The following SV2C variants were observed in gnomAD, a reference collection of about 807,000 sequenced individuals.
SV2C encodes the protein solute carrier family 22 member B3.
In SV2C, 49 loss-of-function variants were observed where a neutral mutation model predicts 79.7. That is an observed-to-expected ratio of 0.61 (90% CI 0.49 to 0.78). SV2C has a LOEUF of 0.78. SV2C is among the 30% of genes least tolerant of loss of function. The pLI is 0.00. For synonymous variants in SV2C, 334 were observed against 333.2 expected (o/e 1.00, Z -0.03); for missense variants, 833 against 912.9 (o/e 0.91, Z 1.13).
At chr5:76,030,668 A>G in the SV2C span, among the ~76,000 whole-genome samples, 2 of 151,988 alleles carry the variant, frequency 1.3e-5, no homozygotes, top group African/African-American at 4.8e-5. Flanking sequence ...CTCTCAGGGC[A>G]GTCTAGCTTA....
the SV2C span, among the ~76,000 whole-genome samples, chr5:75,999,390 AG>A: frequency 2.2e-5 from 1 of 45,360 alleles, no homozygotes; most frequent in African/African-American, 7.0e-5. Context: ...AGAGAGAGAG[AG>A]AGAGAGAGAG....
chr5:75,994,290 TC>T, the SV2C span, among the ~76,000 whole-genome samples: 1 of 152,058 alleles, frequency 6.6e-6, no homozygotes, highest in Non-Finnish European at 1.5e-5. Flanking sequence ...TGTGCAACTT[TC>T]CCATGTCCCT....
chr5:76,290,098 A>AT (rs397998193), intron 6 of SV2C, among the ~76,000 whole-genome samples: 1 of 152,056 alleles, frequency 6.6e-6, no homozygotes, highest in Non-Finnish European at 1.5e-5. Flanking sequence ...AGAAAAAAAA[A>AT]CTTTTTAAAT....
At chr5:75,959,551 C>T in the SV2C span, among the ~76,000 whole-genome samples, 11 of 152,088 alleles carry the variant, frequency 7.2e-5, no homozygotes, top group African/African-American at 2.4e-4. Flanking sequence ...TGAGGTTTAT[C>T]CCCAAAACAC....
At chr5:75,905,812 T>C in the SV2C span, among the ~76,000 whole-genome samples, 1 of 151,754 alleles carries the variant, frequency 6.6e-6, no homozygotes, top group Admixed American at 6.6e-5. Flanking sequence ...AAGGTATTGT[T>C]CTGCCATCTG....
At chr5:76,219,579 G>C (rs1201311553) in intron 4 of SV2C, among the ~76,000 whole-genome samples, 1 of 152,154 alleles carries the variant, frequency 6.6e-6, no homozygotes, top group Non-Finnish European at 1.5e-5. Context: ...CCACAAGCCA[G>C]GTCTCCCAGC....
the SV2C span, among the ~76,000 whole-genome samples, chr5:75,897,903 T>A: frequency 1.3e-5 from 2 of 151,980 alleles, no homozygotes; most frequent in African/African-American, 4.8e-5. Context: ...GCTTGTGATT[T>A]TTGTACATTG....
chr5:76,279,056 T>C (rs1747105102), intron 4 of SV2C, among the ~76,000 whole-genome samples: 2 of 152,116 alleles, frequency 1.3e-5, no homozygotes, highest in South Asian at 4.2e-4. Context: ...TTGGGGATTG[T>C]GAGGGAAAAA....
chr5:76,159,321 G>A (rs761261323), intron 2 of SV2C, among the ~76,000 whole-genome samples: 1 of 151,980 alleles, frequency 6.6e-6, no homozygotes, highest in African/African-American at 2.4e-5. Flanking sequence ...ATCCCGATTG[G>A]CAAGAAGAAA....
intron 12 of SV2C, among the ~76,000 whole-genome samples, chr5:76,302,099 A>G (rs1358320866): frequency 1.3e-5 from 2 of 152,200 alleles, no homozygotes; most frequent in African/African-American, 4.8e-5. Context: ...TCCTTAACTT[A>G]GTTTGTAGGC....
the SV2C span, chr5:75,921,738 C>T: frequency 2.5e-6 from 1 of 394,636 alleles, no homozygotes; most frequent in South Asian, 2.7e-5. Context: ...GGCTCTCTAG[C>T]ATTTTGTTTC....
rs546600591 is a variant in SV2C at position 76,122,726 on chromosome 5, G to T, written c.-101-8924G>T. ...ATCTCTGGGACACATTCAAAGCAGT[G>T]TGTAGAGGGAAATTTATAGCACTAA... On this transcript the variant is annotated intron_variant, in intron 1 of 12. Coordinates refer to ENST00000502798, the MANE Select transcript of SV2C (RefSeq NM_014979.4). Among the ~76,000 whole-genome samples, 1,081 of 152,082 alleles carry T rather than the reference G, an allele frequency of 7.1e-3. 7 individuals are homozygous for T. The highest frequency in any genetic ancestry group is 0.014 in the Middle Eastern group (4 of 294).
intron 4 of SV2C, among the ~76,000 whole-genome samples, chr5:76,248,021 A>G (rs1745996514): frequency 6.6e-6 from 1 of 152,160 alleles, no homozygotes; most frequent in Non-Finnish European, 1.5e-5. Flanking sequence ...AAACCTGGAG[A>G]GTTTTTGGTT....
chr5:76,133,129 GGTAAGAA>G (rs1244008002), intron 2 of SV2C, among the ~76,000 whole-genome samples: 1 of 152,108 alleles, frequency 6.6e-6, no homozygotes, highest in Non-Finnish European at 1.5e-5. Context: ...AAAATAAGTA[GGTAAGAA>G]GCAAGCATGC....
At chr5:76,229,415 C>T (rs972792981) in intron 4 of SV2C, among the ~76,000 whole-genome samples, 1 of 152,218 alleles carries the variant, frequency 6.6e-6, no homozygotes, top group Non-Finnish European at 1.5e-5. Context: ...ACTATTCCTT[C>T]CAGGCAGGCA....
chr5:76,044,299 T>C, the SV2C span, among the ~76,000 whole-genome samples: 29,744 of 152,154 alleles, frequency 0.2, 3,230 homozygotes, highest in East Asian at 0.44. Flanking sequence ...TTTTCTTTAG[T>C]CAGTCTATTA....
chr5:76,174,486 CAAGA>C (rs1042764193), intron 2 of SV2C, among the ~76,000 whole-genome samples: 33 of 152,178 alleles, frequency 2.2e-4, no homozygotes, highest in African/African-American at 8.0e-4. Context: ...TCTGATGGAA[CAAGA>C]AAGAGAGAGA....
intron 1 of SV2C, among the ~76,000 whole-genome samples, chr5:76,103,718 A>G (rs898115114): frequency 2.0e-5 from 3 of 152,228 alleles, no homozygotes; most frequent in African/African-American, 7.2e-5. Flanking sequence ...GCATTATCTT[A>G]TTTAAACCTC....
intron 2 of SV2C, among the ~76,000 whole-genome samples, chr5:76,149,841 G>T (rs1024975918): frequency 1.3e-5 from 2 of 152,322 alleles, no homozygotes; most frequent in South Asian, 4.1e-4. Flanking sequence ...CTCCAGATGT[G>T]CAGGGCACAG....
Sources: gnomAD v4.1 joint callset for allele counts (sites outside exome capture counted in the v4.1 genomes callset) on GRCh38, gnomAD v4.1.1 for gene constraint, MANE v1.5 for transcripts, NCBI Gene and HGNC (gene_info 2026-07-23, HGNC 2026-07-21) for gene names.